ABCC6: variants seen among roughly 807,000 people sequenced by gnomAD.
The protein encoded by ABCC6 is ATP-binding cassette sub-family C member 6.
A neutral mutation model predicts 169.5 loss-of-function variants in ABCC6; 126 were observed. The observed-to-expected ratio is 0.74, with a 90% CI of 0.64 to 0.86. The LOEUF is 0.86. Ranked by LOEUF, ABCC6 falls within the 40% of genes least tolerant of loss-of-function variation. The pLI, the probability that ABCC6 is intolerant of heterozygous loss-of-function variation, is 0.00. For missense variants in ABCC6, 1,733 were observed against 1,927.2 expected, an observed-to-expected ratio of 0.90 and a Z score of 1.89; for synonymous variants, 752 against 814.7, an observed-to-expected ratio of 0.92 and a Z score of 1.31.
At chr16:16,150,434 G>A (rs1386393667) in intron 30 of ABCC6, 144 bp downstream of exon 30, 2 of 1,495,650 alleles carry the variant, frequency 1.3e-6, no homozygotes, top group Non-Finnish European at 1.8e-6. Flanking sequence ...CACTTGGCAT[G>A]TGTTCCCGGG....
chr16:16,176,478 A>G (rs2047281180), intron 19 of ABCC6, among the ~76,000 whole-genome samples: 1 of 152,194 alleles, frequency 6.6e-6, no homozygotes, highest in Non-Finnish European at 1.5e-5. Flanking sequence ...AGCTGCTAGG[A>G]TTTGGGGGGC....
chr16:16,192,100 G>T (rs945712934), intron 11 of ABCC6, among the ~76,000 whole-genome samples: 4 of 152,208 alleles, frequency 2.6e-5, no homozygotes, highest in Non-Finnish European at 5.9e-5. Context: ...TTGCTGGAGG[G>T]TGGTGAGGGA....
intron 25 of ABCC6, among the ~76,000 whole-genome samples, chr16:16,159,977 G>GA (rs1277957705): frequency 1.3e-5 from 2 of 152,002 alleles, no homozygotes; most frequent in African/African-American, 4.8e-5. Context: ...ATGACACTTA[G>GA]AACCACTCCA....
rs1189765325 is a variant in ABCC6, at chr16:16,161,595, G to GTTAC, written c.3507-35_3507-32dup. ...AAGGGAAGCGACAGCAGGGTGAGTGGTTACTCTCATCTGCAGGGAGATGCT... is the reference window on the plus strand; with the variant it reads ...AAGGGAAGCGACAGCAGGGTGAGTGGTTACTTACTCTCATCTGCAGGGAGATGCT... On this transcript the variant is annotated intron_variant, in intron 24 of 30. Transcript: ENST00000205557. The GTTAC allele has an allele frequency of 1.4e-5, 22 of 1,613,466 alleles. No homozygotes were observed. In the Admixed American group the frequency reaches 1.8e-4, roughly 13 times the overall value.
intron 24 of ABCC6, among the ~76,000 whole-genome samples, 195 bp from the exon 25 acceptor site, chr16:16,161,759 G>C (rs1309130827): frequency 2.6e-5 from 4 of 152,162 alleles, no homozygotes; most frequent in Admixed American, 6.5e-5. Context: ...TTTAGGGTCT[G>C]GGGTACACTC....
intron 6 of ABCC6, among the ~76,000 whole-genome samples, chr16:16,211,763 C>T (rs1430150067): frequency 6.6e-6 from 1 of 152,156 alleles, no homozygotes; most frequent in Non-Finnish European, 1.5e-5. Context: ...TTTATCTCCT[C>T]ACCCCTGGGG....
At chr16:16,185,178 T>C in intron 14 of ABCC6, 144 bp from the exon 15 acceptor site, 2 of 783,022 alleles carry the variant, frequency 2.6e-6, no homozygotes, top group Non-Finnish European at 4.4e-6. Context: ...ATTGCCCTGC[T>C]ACTCACTGGC....
Position 16,155,041 on chromosome 16 carries a change from G to T in ABCC6, c.3883-10C>A, listed in dbSNP as rs965791272. 1.0e-5 allele frequency: 16 copies of T among 1,550,574 alleles called. No homozygotes were observed. The highest frequency in any genetic ancestry group is 1.4e-5 in the Non-Finnish European group (16 of 1,148,298). ...TGCCAACGATGCCCACCTGCCCGGG[G>T]TTGGGAGGAAAGGCCTGCTCTGACC... On this transcript the variant is annotated splice_polypyrimidine_tract_variant and intron_variant, in intron 27 of 30. Coordinates refer to ENST00000205557, the MANE Select transcript of ABCC6 (RefSeq NM_001171.6).
chr16:16,154,017 T>C (rs1391431491), intron 29 of ABCC6, among the ~76,000 whole-genome samples: 1 of 151,584 alleles, frequency 6.6e-6, no homozygotes, highest in African/African-American at 2.4e-5. Context: ...TGGTGCAATA[T>C]CGGCTCACTG....
intron 9 of ABCC6, 32 bp from the exon 10 acceptor site, chr16:16,198,214 T>G: frequency 6.4e-7 from 1 of 1,561,056 alleles, no homozygotes; most frequent in Non-Finnish European, 8.7e-7. Context: ...AGAAGTAAAG[T>G]GGGGAGGCCG....
chr16:16,200,880 G>C (rs2048214644), intron 9 of ABCC6, among the ~76,000 whole-genome samples: 1 of 151,698 alleles, frequency 6.6e-6, no homozygotes, highest in Non-Finnish European at 1.5e-5. Flanking sequence ...ACTGCACAGA[G>C]AGAAGTCTAA....
At chr16:16,218,232 C>T (rs1332853385) in intron 4 of ABCC6, among the ~76,000 whole-genome samples, 2 of 136,838 alleles carry the variant, frequency 1.5e-5, no homozygotes, top group Non-Finnish European at 3.1e-5. Context: ...TGCCTCTAAT[C>T]CCAGCATTTT....
chr16:16,170,161 C>T (rs570638638), intron 21 of ABCC6, among the ~76,000 whole-genome samples: 124 of 151,408 alleles, frequency 8.2e-4, no homozygotes, highest in African/African-American at 2.9e-3. Flanking sequence ...AGTACACTGG[C>T]ATGATCATGG....
Position 16,150,739 on chromosome 16 carries a change from A to C in ABCC6, c.4242T>G (p.Arg1414=). 6.2e-7 allele frequency: 1 copy of C among 1,613,914 alleles called. No homozygotes were observed. The highest frequency in any genetic ancestry group is 8.5e-7 in the Non-Finnish European group (1 of 1,179,962). Residue 1414 remains arginine (R), a synonymous_variant, in exon 30 of 31, where the codon CGT becomes CGG. Coordinates refer to ENST00000205557, the MANE Select transcript of ABCC6 (RefSeq NM_001171.6). ...GGATCTGGGTCTTCCGGAGAAGGGC[A>C]CGTGCCAGACACAGGAGCTGTTTCT... is the stretch of plus-strand genomic sequence containing the variant. ...VGQKQLLCLA[R]ALLRKTQILI...
rs749267111 is a variant in ABCC6 at position 16,203,458 on chromosome 16, C to T, written c.950G>A (p.Ser317Asn). Residue 317 changes from serine (S) to asparagine (N), a missense_variant, in exon 8 of 31, where the codon AGC (serine) becomes AAC (asparagine). Coordinates refer to ENST00000205557, the MANE Select transcript of ABCC6 (RefSeq NM_001171.6). ...CCTGAAGACATCACTGATGATGAGG[C>T]TGAGGGTCCCCAGGAGGAAGGTAGA... ...FHSTFLLGTL[S>N]LIISDVFRFT... is the part of the protein sequence containing the mutation. The T allele has an allele frequency of 1.9e-5, 31 of 1,613,842 alleles. No individual in the cohort carries two copies. Among genetic ancestry groups the T allele is most frequent in the Admixed American group, 3.3e-5 (2 of 59,996 alleles).
intron 8 of ABCC6, among the ~76,000 whole-genome samples, chr16:16,203,140 G>A (rs1192389834): frequency 6.6e-6 from 1 of 152,176 alleles, no homozygotes; most frequent in Non-Finnish European, 1.5e-5. Context: ...ATAAAAGAAT[G>A]TTTGTCATTT....
chr16:16,169,561 C>G (rs936686571), intron 22 of ABCC6, 85 bp downstream of exon 22: 21 of 1,497,248 alleles, frequency 1.4e-5, no homozygotes, highest in Non-Finnish European at 1.9e-5. Flanking sequence ...GACAGGGTGA[C>G]CCAGGGAGGG....
chr16:16,191,090 G>A (rs1376502838), intron 11 of ABCC6, among the ~76,000 whole-genome samples: 1 of 151,482 alleles, frequency 6.6e-6, no homozygotes, highest in African/African-American at 2.4e-5. Flanking sequence ...TGGGGCGGGG[G>A]GCATCATCAG....
At chr16:16,200,853 AG>A (rs1567526626) in intron 9 of ABCC6, among the ~76,000 whole-genome samples, 1 of 149,612 alleles carries the variant, frequency 6.7e-6, no homozygotes, top group African/African-American at 2.4e-5. Flanking sequence ...CCAGAGTCCC[AG>A]GAACGGACAA....
Sources: allele counts gnomAD v4.1 joint callset (sites outside exome capture counted in the v4.1 genomes callset), GRCh38; gene constraint gnomAD v4.1.1; transcripts MANE v1.5; gene names NCBI Gene and HGNC (gene_info 2026-07-23, HGNC 2026-07-21).